Variants in ENPP6 observed in about 807,000 individuals in gnomAD.
ENPP6 encodes glycerophosphocholine cholinephosphodiesterase ENPP6.
A neutral mutation model predicts 42.0 loss-of-function variants in ENPP6; 32 were observed. The observed-to-expected ratio is 0.76, with a 90% confidence interval of 0.58 to 1.02. The LOEUF (loss-of-function observed/expected upper bound fraction) is 1.02. ENPP6 is among the 50% of genes least tolerant of loss of function. ENPP6 has a pLI of 0.00. For missense variants in ENPP6, 552 were observed against 566.8 expected, an observed-to-expected ratio of 0.97 and a Z score of 0.27; for synonymous variants, 213 against 216.0, an observed-to-expected ratio of 0.99 and a Z score of 0.12.
intron 1 of ENPP6, among the ~76,000 whole-genome samples, chr4:184,155,492 G>A (rs1458422643): frequency 2.5e-5 from 3 of 119,068 alleles, no homozygotes; most frequent in African/African-American, 9.6e-5. Context: ...CAAAGAAGCT[G>A]AGCAAATGTG....
chr4:184,206,251 A>ATTCGTTT (rs752341794), intron 1 of ENPP6, among the ~76,000 whole-genome samples: 1 of 93,392 alleles, frequency 1.1e-5, no homozygotes, highest in African/African-American at 4.5e-5. Flanking sequence ...GGAAGCTTGA[A>ATTCGTTT]TTTTTTTTTT....
intron 1 of ENPP6, among the ~76,000 whole-genome samples, chr4:184,176,835 G>A (rs986394246): frequency 6.6e-6 from 1 of 152,228 alleles, no homozygotes; most frequent in Non-Finnish European, 1.5e-5. Context: ...CAGAAGAAAC[G>A]TGGACAGGAG....
intron 1 of ENPP6, among the ~76,000 whole-genome samples, chr4:184,197,852 G>A (rs1415792154): frequency 1.3e-5 from 2 of 152,214 alleles, no homozygotes; most frequent in Admixed American, 6.5e-5. Flanking sequence ...CAGCTAAGCT[G>A]CAGGGGAATG....
chr4:184,093,779 A>G (rs1735850169), intron 7 of ENPP6, among the ~76,000 whole-genome samples: 1 of 152,044 alleles, frequency 6.6e-6, no homozygotes, highest in African/African-American at 2.4e-5. Context: ...TGGTAGTTAC[A>G]CTTCCCTATC....
chr4:184,150,345 C>T (rs933356026), intron 2 of ENPP6, among the ~76,000 whole-genome samples: 15 of 151,950 alleles, frequency 9.9e-5, no homozygotes, highest in African/African-American at 2.9e-4. Context: ...GACTTAATGG[C>T]GAAACTCAGC....
intron 2 of ENPP6, among the ~76,000 whole-genome samples, chr4:184,141,374 C>T (rs1465922570): frequency 6.6e-6 from 1 of 152,170 alleles, no homozygotes; most frequent in Non-Finnish European, 1.5e-5. Flanking sequence ...CTTGCAAGTC[C>T]CCCCAACATG....
chr4:184,199,457 GAAT>G (rs1732857993), intron 1 of ENPP6, among the ~76,000 whole-genome samples: 1 of 152,228 alleles, frequency 6.6e-6, no homozygotes, highest in South Asian at 2.1e-4. Flanking sequence ...AACCTTTAAA[GAAT>G]AATGTTTTCT....
intron 2 of ENPP6, among the ~76,000 whole-genome samples, chr4:184,129,288 ACATAC>A (rs1736556376): frequency 1.0e-5 from 1 of 97,138 alleles, no homozygotes; most frequent in Non-Finnish European, 2.2e-5. Flanking sequence ...CACCCCCCCA[ACATAC>A]ACACACACAC....
intron 5 of ENPP6, among the ~76,000 whole-genome samples, chr4:184,113,899 TTTTCTTTCTTTCTTTCTTTCTTTCTTTC>T (rs70959170): frequency 1.2e-3 from 124 of 103,712 alleles, no homozygotes; most frequent in South Asian, 2.2e-3. Context: ...CCTTTCTTTC[TTTTCTTTCTTTCTTTCTTTCTTTCTTTC>T]TTTCTTTCTT....
chr4:184,183,570 T>C (rs566729329), intron 1 of ENPP6, among the ~76,000 whole-genome samples: 6 of 152,312 alleles, frequency 3.9e-5, no homozygotes, highest in Admixed American at 2.6e-4. Context: ...TCACAAGTGA[T>C]CCCACTAGGT....
chr4:184,191,012 G>A (rs1375307179), intron 1 of ENPP6, among the ~76,000 whole-genome samples: 2 of 152,198 alleles, frequency 1.3e-5, no homozygotes, highest in African/African-American at 2.4e-5. Flanking sequence ...AAGGAAGCCT[G>A]GAAAGGCAGT....
intron 2 of ENPP6, among the ~76,000 whole-genome samples, chr4:184,142,436 A>G (rs1326858272): frequency 6.6e-6 from 1 of 152,256 alleles, no homozygotes; most frequent in East Asian, 1.9e-4. Context: ...TGTGGGAACA[A>G]GTCCTTGGGG....
intron 2 of ENPP6, among the ~76,000 whole-genome samples, chr4:184,142,125 C>G (rs1736834468): frequency 6.6e-6 from 1 of 152,224 alleles, no homozygotes; most frequent in African/African-American, 2.4e-5. Context: ...CACTGCCTTC[C>G]TGAAGGAGAC....
intron 6 of ENPP6, among the ~76,000 whole-genome samples, chr4:184,101,471 G>A (rs1736003968): frequency 6.6e-6 from 1 of 152,050 alleles, no homozygotes; most frequent in African/African-American, 2.4e-5. Flanking sequence ...GGAACTCCAA[G>A]AGCGGAGGAG....
At chr4:184,163,257 G>A (rs1219150946) in intron 1 of ENPP6, among the ~76,000 whole-genome samples, 10 of 152,098 alleles carry the variant, frequency 6.6e-5, no homozygotes, top group Admixed American at 6.5e-5. Context: ...GACCTCAGGC[G>A]GCCTCCTAGT....
In ENPP6 at chr4:184,174,502, C is replaced by G. The variant is rs145317104; in HGVS notation, c.242-20769G>C. Among the ~76,000 whole-genome samples the G allele has an allele frequency of 3.0e-3, 463 of 152,224 alleles. 5 individuals carry two copies. The highest frequency in any genetic ancestry group is 0.01 in the African/African-American group (431 of 41,530). On this transcript the variant is annotated intron_variant, in intron 1 of 7. Coordinates refer to ENST00000296741, the MANE Select transcript of ENPP6 (RefSeq NM_153343.4). ...CCTTGTAAGAATGGAAACATCTACT[C>G]TCTGTGAGCACTGTGCTGTGAGGGT...
At chr4:184,138,984 C>T (rs1314522561) in intron 2 of ENPP6, among the ~76,000 whole-genome samples, 1 of 152,230 alleles carries the variant, frequency 6.6e-6, no homozygotes, top group Non-Finnish European at 1.5e-5. Context: ...GTGAGAAGGT[C>T]CTATCTCCAC....
In ENPP6 at chr4:184,132,751, CAG is replaced by C. The variant is rs535523349; in HGVS notation, c.422-8481_422-8480del. On this transcript the variant is annotated intron_variant, in intron 2 of 7. Coordinates refer to ENST00000296741, the MANE Select transcript of ENPP6 (RefSeq NM_153343.4). ...ATTTTCATATATGGTATTAGATAGT[CAG>C]AAGATGTATATATAGATACACATAT... Among the ~76,000 whole-genome samples, 601 of 151,272 alleles carry C rather than the reference CAG, an allele frequency of 4.0e-3. 6 individuals carry two copies. Among genetic ancestry groups the C allele is most frequent in the Middle Eastern group, 0.014 (4 of 292 alleles).
chr4:184,199,079 C>T (rs183791328), intron 1 of ENPP6, among the ~76,000 whole-genome samples: 2 of 152,308 alleles, frequency 1.3e-5, no homozygotes, highest in African/African-American at 2.4e-5. Flanking sequence ...CAAGGGAACA[C>T]GCATGAATGG....
Sources: allele counts gnomAD v4.1 joint callset (sites outside exome capture counted in the v4.1 genomes callset), GRCh38; gene constraint gnomAD v4.1.1; transcripts MANE v1.5; gene names NCBI Gene and HGNC (gene_info 2026-07-23, HGNC 2026-07-21).